INPP5A: variants seen among roughly 807,000 people sequenced by gnomAD.
The protein encoded by INPP5A is inositol polyphosphate-5-phosphatase A, also known as 43 kDa inositol polyphosphate 5-phophatase.
A neutral mutation model predicts 65.2 loss-of-function variants in INPP5A; 14 were observed. The ratio of observed to expected loss-of-function variants is 0.21; its 90% confidence interval spans 0.14 to 0.34. The LOEUF (loss-of-function observed/expected upper bound fraction) is 0.34. Among genes scored for constraint, INPP5A ranks in the 10% least tolerant of loss-of-function variants. The pLI, the probability that INPP5A is intolerant of heterozygous loss-of-function variation, is 1.00. For missense variants in INPP5A, 431 were observed against 545.6 expected, an observed-to-expected ratio of 0.79 and a Z score of 2.09; for synonymous variants, 207 against 208.3, an observed-to-expected ratio of 0.99 and a Z score of 0.05.
intron 4 of INPP5A, among the ~76,000 whole-genome samples, chr10:132,670,548 C>T (rs549255124): frequency 1.3e-5 from 2 of 150,404 alleles, no homozygotes; most frequent in African/African-American, 2.5e-5. Flanking sequence ...CAGGAGGACA[C>T]TGTCAGCCCC....
In INPP5A at chr10:132,704,328, A is replaced by G. The variant is rs2246288; in HGVS notation, c.475-3985A>G. Among the ~76,000 whole-genome samples, 126,658 of 152,238 alleles carry G rather than the reference A, an allele frequency of 0.83. 52,824 individuals carry two copies. Among genetic ancestry groups the G allele is most frequent in the East Asian group, 0.96 (4,938 of 5,150 alleles). On this transcript the variant is annotated intron_variant, in intron 6 of 15. Transcript: ENST00000368594. This position sits in a 1 kb window ranked among gnomAD's most constrained non-coding sequence, Gnocchi z 4.5. ...GTCACACGTCCAGCCTTCTCCCATG[A>G]CAGCCCCCATGGGTGAGAACCCAGC...
At position 132,713,041 on chromosome 10, in the gene INPP5A, T is replaced by G. The variant is rs542690539; in HGVS notation, c.647+2585T>G. On this transcript the variant is annotated intron_variant, in intron 8 of 15. Transcript: ENST00000368594. ...GTGTATGTATGTATGTGTGCGTGTG[T>G]GTGGGTGTGTGTGCATATGTGGGGA... Among the ~76,000 whole-genome samples, 10 of 151,700 alleles carry G rather than the reference T, an allele frequency of 6.6e-5. No individual in the cohort carries two copies. In the South Asian group the frequency reaches 2.1e-3, roughly 32 times the overall value.
intron 2 of INPP5A, among the ~76,000 whole-genome samples, chr10:132,617,551 G>A (rs575962384): frequency 6.6e-6 from 1 of 152,348 alleles, no homozygotes; most frequent in Non-Finnish European, 1.5e-5. Context: ...CGTGTGGCCA[G>A]TGCAGATCTT....
intron 11 of INPP5A, among the ~76,000 whole-genome samples, 200 bp from the exon 12 acceptor site, chr10:132,765,573 G>T (rs891306565): frequency 3.9e-5 from 6 of 152,170 alleles, no homozygotes; most frequent in African/African-American, 1.4e-4. Flanking sequence ...AACGGGCAGG[G>T]CAGGTCCCAC....
chr10:132,673,699 G>T (rs567884951), intron 4 of INPP5A, among the ~76,000 whole-genome samples: 4 of 152,338 alleles, frequency 2.6e-5, no homozygotes, highest in African/African-American at 7.2e-5. Flanking sequence ...GTGAGTCCAT[G>T]GATGGTAGTC....
chr10:132,731,433 CT>C (rs1355909533), intron 9 of INPP5A, among the ~76,000 whole-genome samples: 1 of 151,852 alleles, frequency 6.6e-6, no homozygotes, highest in Non-Finnish European at 1.5e-5. Context: ...TCAGACGCCC[CT>C]GGGAGTGACC....
intron 1 of INPP5A, among the ~76,000 whole-genome samples, chr10:132,562,760 C>T (rs138544219): frequency 4.7e-4 from 71 of 152,376 alleles, no homozygotes; most frequent in African/African-American, 1.5e-3. Flanking sequence ...AGTCACCCCA[C>T]GCCCAGGACC....
chr10:132,731,527 CT>C (rs1348762594), intron 9 of INPP5A, among the ~76,000 whole-genome samples: 1 of 152,230 alleles, frequency 6.6e-6, no homozygotes, highest in Non-Finnish European at 1.5e-5. Flanking sequence ...GACCGCACCC[CT>C]GCCTCGTATC....
intron 4 of INPP5A, among the ~76,000 whole-genome samples, chr10:132,689,926 G>A (rs1456472669): frequency 6.6e-6 from 1 of 152,266 alleles, no homozygotes; most frequent in Non-Finnish European, 1.5e-5. Context: ...GGAGGCCCCA[G>A]GACGAAGCCG....
chr10:132,647,818 T>G (rs2072518957), intron 3 of INPP5A, among the ~76,000 whole-genome samples: 2 of 152,194 alleles, frequency 1.3e-5, no homozygotes, highest in South Asian at 4.1e-4. Context: ...TCACCCTACA[T>G]AAGATGAATT....
At chr10:132,766,038 GTGCGTCTGTGTGTGAACGTA>G (rs1035153797) in intron 12 of INPP5A, among the ~76,000 whole-genome samples, 192 bp downstream of exon 12, 1 of 152,208 alleles carries the variant, frequency 6.6e-6, no homozygotes, top group Non-Finnish European at 1.5e-5. Context: ...GTGTGCACAG[GTGCGTCTGTGTGTGAACGTA>G]TGCGTCTGTG....
chr10:132,684,853 T>G (rs1247903862), intron 4 of INPP5A, among the ~76,000 whole-genome samples: 1 of 152,196 alleles, frequency 6.6e-6, no homozygotes, highest in Non-Finnish European at 1.5e-5. Flanking sequence ...GGCTCCTGCG[T>G]GAGGCCGCGT....
chr10:132,708,543 G>A, intron 7 of INPP5A, 178 bp downstream of exon 7: 1 of 758,938 alleles, frequency 1.3e-6, no homozygotes, highest in Non-Finnish European at 2.5e-6. Flanking sequence ...TGCATTCGGA[G>A]CATTGTCACT....
intron 2 of INPP5A, among the ~76,000 whole-genome samples, chr10:132,635,742 G>A (rs2072340743): frequency 6.6e-6 from 1 of 151,718 alleles, no homozygotes; most frequent in South Asian, 2.1e-4. Context: ...AGGTGGGAGG[G>A]TTGCTTGAGG....
At chr10:132,553,964 A>C (rs1185986428) in intron 1 of INPP5A, among the ~76,000 whole-genome samples, 1 of 111,560 alleles carries the variant, frequency 9.0e-6, no homozygotes, top group Non-Finnish European at 1.8e-5. Flanking sequence ...ATTGGTGAAC[A>C]CCTTCTCAGA....
chr10:132,564,352 TC>T (rs2071246392), intron 1 of INPP5A, among the ~76,000 whole-genome samples: 1 of 152,106 alleles, frequency 6.6e-6, no homozygotes, highest in South Asian at 2.1e-4. Context: ...GGACTGCGCT[TC>T]TTGAAGAGGG....
chr10:132,680,077 G>A (rs945571070), intron 4 of INPP5A, among the ~76,000 whole-genome samples: 4 of 152,172 alleles, frequency 2.6e-5, no homozygotes, highest in African/African-American at 9.7e-5. Flanking sequence ...AAAGGCACAG[G>A]CAGCAAAAGA....
chr10:132,662,262 C>T (rs2072746305), intron 4 of INPP5A, among the ~76,000 whole-genome samples: 1 of 152,150 alleles, frequency 6.6e-6, no homozygotes. Flanking sequence ...GTTGAAAATA[C>T]ACACACCGTA....
chr10:132,607,106 T>C (rs906030487), intron 1 of INPP5A, among the ~76,000 whole-genome samples: 1 of 152,230 alleles, frequency 6.6e-6, no homozygotes, highest in East Asian at 1.9e-4. Flanking sequence ...TGAATGGCTG[T>C]GCTGCCCTTG....
Sources: allele counts gnomAD v4.1 joint callset (sites outside exome capture counted in the v4.1 genomes callset), GRCh38; gene constraint gnomAD v4.1.1; non-coding constraint Gnocchi (gnomAD v3.1); transcripts MANE v1.5; gene names NCBI Gene and HGNC (gene_info 2026-07-23, HGNC 2026-07-21).